Variants in XKR6 observed in about 807,000 individuals in gnomAD.
XKR6 encodes the protein XK related 6.
In XKR6, 22 loss-of-function variants were observed where a neutral mutation model predicts 56.7. The observed-to-expected ratio is 0.39, with a 90% CI of 0.28 to 0.55. The LOEUF (loss-of-function observed/expected upper bound fraction) is 0.55. XKR6 is among the 20% of genes least tolerant of loss of function. The pLI is 0.66. For missense variants in XKR6, 852 were observed against 889.0 expected (o/e 0.96, Z 0.53); for synonymous variants, 524 against 387.8 (o/e 1.35, Z -4.13).
At chr8:11,055,308 G>A (rs1004676580) in intron 1 of XKR6, among the ~76,000 whole-genome samples, 1 of 152,116 alleles carries the variant, frequency 6.6e-6, no homozygotes, top group African/African-American at 2.4e-5. Context: ...AAGATCCCTA[G>A]GGTGGGGGAG....
intron 1 of XKR6, among the ~76,000 whole-genome samples, chr8:11,168,646 A>T (rs1301457687): frequency 6.6e-6 from 1 of 152,228 alleles, no homozygotes; most frequent in African/African-American, 2.4e-5. Context: ...TTTGTCCACA[A>T]AGCAAGTCTC....
chr8:11,006,314 A>T (rs576516283), intron 1 of XKR6, among the ~76,000 whole-genome samples: 2 of 152,258 alleles, frequency 1.3e-5, no homozygotes, highest in African/African-American at 4.8e-5. Context: ...ACTGTGGACA[A>T]TGTGGCACTG....
intron 1 of XKR6, among the ~76,000 whole-genome samples, chr8:11,140,134 A>C (rs191814261): frequency 1.2e-4 from 18 of 152,210 alleles, no homozygotes; most frequent in Non-Finnish European, 2.5e-4. Flanking sequence ...TTAATTAAAA[A>C]AAAAAAGAAG....
chr8:10,941,677 C>G (rs4075113), intron 1 of XKR6, among the ~76,000 whole-genome samples: 3,341 of 152,356 alleles, frequency 0.022, 136 homozygotes, highest in African/African-American at 0.077. Flanking sequence ...CTCCTGACCT[C>G]AGAGCCTACA....
chr8:11,054,418 A>C (rs529552637), intron 1 of XKR6, among the ~76,000 whole-genome samples: 62 of 152,358 alleles, frequency 4.1e-4, no homozygotes, highest in African/African-American at 1.5e-3. Flanking sequence ...CCGGTGTTCA[A>C]GTTGCACACT....
chr8:11,058,387 C>T (rs576450124), intron 1 of XKR6, among the ~76,000 whole-genome samples: 16 of 152,288 alleles, frequency 1.1e-4, no homozygotes, highest in South Asian at 1.0e-3. Flanking sequence ...ATGTTTATTG[C>T]AGCACTATTT....
At chr8:11,159,747 T>C (rs1801700922) in intron 1 of XKR6, among the ~76,000 whole-genome samples, 1 of 152,190 alleles carries the variant, frequency 6.6e-6, no homozygotes, top group Non-Finnish European at 1.5e-5. Context: ...TGCGTATCTC[T>C]AAGTTTAGAA....
chr8:11,135,327 C>T (rs1363621487), intron 1 of XKR6, among the ~76,000 whole-genome samples: 3 of 152,064 alleles, frequency 2.0e-5, no homozygotes, highest in Admixed American at 2.0e-4. Context: ...CCATGCCCGG[C>T]CAAAAAGCCC....
At chr8:11,042,911 C>A (rs894992659) in intron 1 of XKR6, among the ~76,000 whole-genome samples, 2 of 152,176 alleles carry the variant, frequency 1.3e-5, no homozygotes, top group African/African-American at 4.8e-5. Context: ...CTGCACTCCT[C>A]TTCCTGCCAG....
intron 1 of XKR6, among the ~76,000 whole-genome samples, chr8:10,944,078 C>T (rs1332902116): frequency 6.6e-6 from 1 of 152,108 alleles, no homozygotes; most frequent in Non-Finnish European, 1.5e-5. Flanking sequence ...TAGATTTTAA[C>T]CTCCAGGAGG....
chr8:10,935,590 G>A (rs1181476133), intron 1 of XKR6, among the ~76,000 whole-genome samples: 5 of 150,650 alleles, frequency 3.3e-5, no homozygotes, highest in Non-Finnish European at 7.4e-5. Context: ...AGAGATTCTG[G>A]TATGTTGTGT....
intron 1 of XKR6, among the ~76,000 whole-genome samples, chr8:11,182,583 T>C (rs879935241): frequency 2.0e-5 from 3 of 152,246 alleles, no homozygotes; most frequent in Non-Finnish European, 4.4e-5. Flanking sequence ...GTGGTTTTGT[T>C]TTTTAAGTTG....
intron 1 of XKR6, among the ~76,000 whole-genome samples, chr8:11,134,533 A>G (rs1173230666): frequency 6.6e-6 from 1 of 152,190 alleles, no homozygotes; most frequent in Non-Finnish European, 1.5e-5. Context: ...TGGGTGCCAT[A>G]TGAATGTGTG....
intron 1 of XKR6, among the ~76,000 whole-genome samples, chr8:10,994,721 A>G (rs1303098002): frequency 6.6e-6 from 1 of 152,230 alleles, no homozygotes; most frequent in East Asian, 1.9e-4. Flanking sequence ...AAGAAAAAAA[A>G]TACCCATTTT....
At chr8:10,939,187 C>T (rs574403345) in intron 1 of XKR6, among the ~76,000 whole-genome samples, 5 of 152,262 alleles carry the variant, frequency 3.3e-5, no homozygotes, top group East Asian at 1.9e-4. Flanking sequence ...TCAGAACTTC[C>T]GCTCCCCAGT....
chr8:11,140,081 A>C (rs951641869), intron 1 of XKR6, among the ~76,000 whole-genome samples: 94 of 152,176 alleles, frequency 6.2e-4, no homozygotes, highest in Middle Eastern at 3.2e-3. Flanking sequence ...CGTAAACACA[A>C]AAATGCTTTA....
At chr8:10,983,882 C>G (rs986604272) in intron 1 of XKR6, among the ~76,000 whole-genome samples, 1 of 152,084 alleles carries the variant, frequency 6.6e-6, no homozygotes, top group Admixed American at 6.5e-5. Flanking sequence ...GTCTTGATCT[C>G]CTGACCTCGT....
In XKR6 at chr8:10,923,415, C is replaced by T. The variant is rs551016798; in HGVS notation, c.961+1219G>A. On this transcript the variant is annotated intron_variant, in intron 2 of 2. Transcript: ENST00000416569. The stretch of plus-strand genomic sequence containing the variant: ...ATGGGACATGAGGCTTCACCTGAGC[C>T]GAGTTTGTATAGGACAGGCGAGCCT... 5.3e-5 allele frequency among the ~76,000 whole-genome samples: 8 copies of T among 152,158 alleles called. No homozygotes were observed. In the East Asian group the frequency reaches 9.7e-4, roughly 18 times the overall value.
At chr8:11,132,591 G>A (rs1272166704) in intron 1 of XKR6, among the ~76,000 whole-genome samples, 1 of 151,672 alleles carries the variant, frequency 6.6e-6, no homozygotes, top group Non-Finnish European at 1.5e-5. Context: ...TGAACTCCTG[G>A]CCTCAAGTGA....
Sources: gnomAD v4.1 joint callset for allele counts (sites outside exome capture counted in the v4.1 genomes callset) on GRCh38, gnomAD v4.1.1 for gene constraint, MANE v1.5 for transcripts, NCBI Gene and HGNC (gene_info 2026-07-23, HGNC 2026-07-21) for gene names.